The following OPCML variants were observed in gnomAD, a reference collection of about 807,000 sequenced individuals.
OPCML encodes the protein opioid-binding protein/cell adhesion molecule.
Under a neutral mutation model 37.8 loss-of-function variants are expected in OPCML, and 13 were observed. The observed-to-expected ratio is 0.34, with a 90% CI of 0.22 to 0.55. The LOEUF (loss-of-function observed/expected upper bound fraction) is 0.55, where lower values mean the gene tolerates loss of function less well. Among genes scored for constraint, OPCML ranks in the 20% least tolerant of loss-of-function variants. The probability of loss-of-function intolerance (pLI) is 0.91; values close to 1 mark genes in which losing one functional copy is unlikely to be tolerated. For synonymous variants in OPCML, 176 were observed against 168.8 expected, an observed-to-expected ratio of 1.04 and a Z score of -0.33; for missense variants, 341 against 435.6, an observed-to-expected ratio of 0.78 and a Z score of 1.93.
intron 2 of OPCML, among the ~76,000 whole-genome samples, chr11:132,709,152 C>G (rs576806972): frequency 6.6e-6 from 1 of 152,308 alleles, no homozygotes; most frequent in East Asian, 1.9e-4. Context: ...GGTGCCTCCA[C>G]CTACATTTGT....
At chr11:132,691,592 C>A (rs1467460593) in intron 2 of OPCML, among the ~76,000 whole-genome samples, 1 of 152,178 alleles carries the variant, frequency 6.6e-6, no homozygotes, top group East Asian at 1.9e-4. Context: ...CCTGGACCAT[C>A]CAGTGACAGC....
In OPCML at chr11:132,685,541, A is replaced by G. The variant is rs1012388044; in HGVS notation, c.147-28222T>C. ...CAAAAAACCACAAAGGAGAAGACAC[A>G]TGTTTTAAAATGAAATGTAGCAATC... On this transcript the variant is annotated intron_variant, in intron 2 of 7. Coordinates refer to ENST00000524381, the MANE Select transcript of OPCML (RefSeq NM_001012393.5). Among the ~76,000 whole-genome samples the G allele has an allele frequency of 3.9e-5, 6 of 152,190 alleles. No homozygotes were observed. The East Asian group carries it at 5.8e-4, about 15-fold the overall frequency.
At chr11:132,716,700 A>G (rs1248812647) in intron 2 of OPCML, among the ~76,000 whole-genome samples, 1 of 152,190 alleles carries the variant, frequency 6.6e-6, no homozygotes, top group African/African-American at 2.4e-5. Context: ...TCTACTTTTA[A>G]AAAACCCAGC....
Position 133,079,965 on chromosome 11 carries a change from A to G in OPCML, c.62-136955T>C, listed in dbSNP as rs143790199. Among the ~76,000 whole-genome samples, 60 of 152,312 alleles carry G rather than the reference A, an allele frequency of 3.9e-4. No individual in the cohort carries two copies. In the East Asian group the frequency reaches 0.01, roughly 26 times the overall value. ...TGGGAATGCCTTTTGAACTTCAACC[A>G]TGTTAGAAAAACAGTTTTACAGAAT... On this transcript the variant is annotated intron_variant, in intron 1 of 7. Transcript: ENST00000524381.
At chr11:132,464,949 G>A (rs952786399) in intron 4 of OPCML, among the ~76,000 whole-genome samples, 2 of 152,130 alleles carry the variant, frequency 1.3e-5, no homozygotes, top group Non-Finnish European at 1.5e-5. Flanking sequence ...TACAGTTTCT[G>A]TGTAGTTATG....
At chr11:132,576,920 T>A (rs1423981257) in intron 3 of OPCML, among the ~76,000 whole-genome samples, 2 of 152,164 alleles carry the variant, frequency 1.3e-5, no homozygotes, top group African/African-American at 4.8e-5. Context: ...TCTCCCAGGC[T>A]GCTGACTCAT....
At chr11:132,506,908 G>T (rs1172446447) in intron 4 of OPCML, among the ~76,000 whole-genome samples, 2 of 151,252 alleles carry the variant, frequency 1.3e-5, no homozygotes, top group African/African-American at 4.8e-5. Context: ...CCATTATAAT[G>T]AAAAAAAGGC....
chr11:132,479,747 A>C (rs1385386890), intron 4 of OPCML, among the ~76,000 whole-genome samples: 6 of 151,936 alleles, frequency 3.9e-5, no homozygotes, highest in African/African-American at 1.5e-4. Context: ...ACTGGGAGGC[A>C]CCCCCCAGCA....
chr11:132,507,507 A>ACCC (rs1430290588), intron 4 of OPCML, among the ~76,000 whole-genome samples: 5 of 151,968 alleles, frequency 3.3e-5, no homozygotes, highest in Non-Finnish European at 5.9e-5. Flanking sequence ...ATATCTATAA[A>ACCC]CTTGACAACT....
At chr11:132,431,279 G>C (rs1296159857) in intron 7 of OPCML, among the ~76,000 whole-genome samples, 2 of 152,200 alleles carry the variant, frequency 1.3e-5, no homozygotes, top group African/African-American at 4.8e-5. Flanking sequence ...AAGTAACCTT[G>C]GAGTTCATCT....
Position 133,274,901 on chromosome 11 carries a change from C to T in OPCML, c.61+257363G>A, listed in dbSNP as rs189000460. Among the ~76,000 whole-genome samples the T allele has an allele frequency of 4.0e-3, 605 of 152,292 alleles. 5 individuals carry two copies. The highest frequency in any genetic ancestry group is 0.013 in the African/African-American group (538 of 41,542). On this transcript the variant is annotated intron_variant, in intron 1 of 7. Coordinates refer to ENST00000524381, the MANE Select transcript of OPCML (RefSeq NM_001012393.5). The stretch of plus-strand genomic sequence containing the variant: ...TTCAGCTGGAAAGCTCGAGACCTGC[C>T]GTTTCTCAGGAATCCCGGGTGTCGT...
At chr11:133,089,209 G>A (rs1341618837) in intron 1 of OPCML, among the ~76,000 whole-genome samples, 1 of 152,188 alleles carries the variant, frequency 6.6e-6, no homozygotes, top group Non-Finnish European at 1.5e-5. Flanking sequence ...TATGTGACAA[G>A]TAGAGATATA....
At chr11:132,796,701 C>T (rs1474807693) in intron 2 of OPCML, among the ~76,000 whole-genome samples, 1 of 151,542 alleles carries the variant, frequency 6.6e-6, no homozygotes. Flanking sequence ...GGCCTCCCTC[C>T]TGAGTAGCTG....
At chr11:132,625,720 T>C (rs1939699577) in intron 3 of OPCML, among the ~76,000 whole-genome samples, 1 of 152,178 alleles carries the variant, frequency 6.6e-6, no homozygotes, top group Admixed American at 6.6e-5. Flanking sequence ...ACAGACATGA[T>C]GTCTCTTATT....
chr11:132,638,163 CTATATATATATA>C (rs71905540), intron 3 of OPCML, among the ~76,000 whole-genome samples: 12 of 128,134 alleles, frequency 9.4e-5, no homozygotes, highest in Non-Finnish European at 8.5e-5. Context: ...TATATACAGA[CTATATATATATA>C]TATATATATA....
intron 1 of OPCML, among the ~76,000 whole-genome samples, chr11:133,222,248 G>A (rs961363259): frequency 3.3e-5 from 5 of 152,206 alleles, no homozygotes; most frequent in African/African-American, 1.2e-4. Context: ...CCCTAAAGCT[G>A]CAGCCATACA....
At chr11:133,439,817 T>C (rs1415651782) in intron 1 of OPCML, among the ~76,000 whole-genome samples, 1 of 152,102 alleles carries the variant, frequency 6.6e-6, no homozygotes, top group African/African-American at 2.4e-5. Context: ...TTTCTTTCTC[T>C]AAGATTCCTA....
At chr11:133,522,469 G>A (rs2120709422) in intron 1 of OPCML, among the ~76,000 whole-genome samples, 1 of 152,338 alleles carries the variant, frequency 6.6e-6, no homozygotes, top group Non-Finnish European at 1.5e-5. Context: ...CACTGAAGGA[G>A]ACAGGGCTTC....
At chr11:133,308,612 C>G (rs1592188029) in intron 1 of OPCML, among the ~76,000 whole-genome samples, 1 of 152,074 alleles carries the variant, frequency 6.6e-6, no homozygotes, top group African/African-American at 2.4e-5. Context: ...TTTCCCAGCC[C>G]CATTCACTCA....
Sources: gnomAD v4.1 joint callset for allele counts (sites outside exome capture counted in the v4.1 genomes callset) on GRCh38, gnomAD v4.1.1 for gene constraint, MANE v1.5 for transcripts, NCBI Gene and HGNC (gene_info 2026-07-23, HGNC 2026-07-21) for gene names.